Variants in SORCS3 observed in about 807,000 individuals in gnomAD.
SORCS3 encodes sortilin related VPS10 domain containing receptor 3.
A neutral mutation model predicts 146.3 loss-of-function variants in SORCS3; 57 were observed. The observed-to-expected ratio is 0.39, with a 90% CI of 0.31 to 0.49. The LOEUF (loss-of-function observed/expected upper bound fraction) is 0.49. Ranked by LOEUF, SORCS3 falls within the 20% of genes least tolerant of loss-of-function variation. The pLI, the probability that SORCS3 is intolerant of heterozygous loss-of-function variation, is 0.92. For synonymous variants in SORCS3, 653 were observed against 618.5 expected, an observed-to-expected ratio of 1.06 and a Z score of -0.83; for missense variants, 1,341 against 1,575.5, an observed-to-expected ratio of 0.85 and a Z score of 2.52.
At chr10:105,222,611 A>C (rs964121322) in intron 19 of SORCS3, among the ~76,000 whole-genome samples, 4 of 152,180 alleles carry the variant, frequency 2.6e-5, no homozygotes, top group African/African-American at 9.7e-5. Flanking sequence ...CCTGTTTGGA[A>C]AACAGCCTTG....
At chr10:104,829,279 T>C (rs2133535484) in intron 1 of SORCS3, among the ~76,000 whole-genome samples, 1 of 152,206 alleles carries the variant, frequency 6.6e-6, no homozygotes, top group Non-Finnish European at 1.5e-5. Flanking sequence ...GTAGCAAAAT[T>C]GGAGGTATGT....
intron 5 of SORCS3, among the ~76,000 whole-genome samples, chr10:105,063,039 C>G (rs375388116): frequency 6.6e-6 from 1 of 152,202 alleles, no homozygotes. Context: ...TGTCATTAAT[C>G]GCTAATTGCT....
At chr10:104,666,969 T>G (rs982631374) in intron 1 of SORCS3, among the ~76,000 whole-genome samples, 8 of 151,954 alleles carry the variant, frequency 5.3e-5, no homozygotes, top group African/African-American at 1.9e-4. Context: ...AGATGTAAAC[T>G]GTGTTCTCAT....
chr10:104,853,638 T>C (rs1233464200), intron 2 of SORCS3, among the ~76,000 whole-genome samples: 4 of 152,054 alleles, frequency 2.6e-5, no homozygotes, highest in Admixed American at 6.5e-5. Context: ...GGTCAAGGAG[T>C]CGAAACTTTA....
intron 3 of SORCS3, among the ~76,000 whole-genome samples, chr10:104,947,398 G>T (rs905762107): frequency 3.9e-5 from 6 of 152,128 alleles, no homozygotes; most frequent in Non-Finnish European, 5.9e-5. Context: ...GGAGGCTTAG[G>T]AAATGTTGGG....
intron 20 of SORCS3, among the ~76,000 whole-genome samples, chr10:105,229,882 G>T (rs2056757049): frequency 6.6e-6 from 1 of 152,166 alleles, no homozygotes; most frequent in Non-Finnish European, 1.5e-5. Flanking sequence ...GTGGGTGAGT[G>T]GGTTCTGTGC....
chr10:104,648,785 G>A (rs1051536852), intron 1 of SORCS3, among the ~76,000 whole-genome samples: 1 of 152,156 alleles, frequency 6.6e-6, no homozygotes. Flanking sequence ...ACTAATAAAT[G>A]TTCTATAGTA....
chr10:105,005,582 A>G (rs2133676557), intron 4 of SORCS3, among the ~76,000 whole-genome samples: 1 of 152,208 alleles, frequency 6.6e-6, no homozygotes, highest in South Asian at 2.1e-4. Context: ...ACAAGATGGA[A>G]CACCGTTCTC....
At chr10:104,643,710 G>A in intron 1 of SORCS3, among the ~76,000 whole-genome samples, 1 of 47,028 alleles carries the variant, frequency 2.1e-5, no homozygotes, top group Non-Finnish European at 4.3e-5. Flanking sequence ...GATAATTAGG[G>A]TGTGTGTGTG....
intron 20 of SORCS3, among the ~76,000 whole-genome samples, chr10:105,235,882 T>C (rs1303513673): frequency 6.6e-6 from 1 of 152,150 alleles, no homozygotes; most frequent in Non-Finnish European, 1.5e-5. Context: ...CTCAACTTTA[T>C]TGTTGTGAAA....
At chr10:105,007,901 T>C (rs1166871664) in intron 4 of SORCS3, among the ~76,000 whole-genome samples, 3 of 152,128 alleles carry the variant, frequency 2.0e-5, no homozygotes, top group African/African-American at 7.2e-5. Context: ...TGGGGACCTC[T>C]TTCCTGGGAA....
intron 5 of SORCS3, among the ~76,000 whole-genome samples, chr10:105,058,020 T>C (rs1299951040): frequency 6.6e-6 from 1 of 152,202 alleles, no homozygotes; most frequent in Non-Finnish European, 1.5e-5. Flanking sequence ...ATCTCCCCGC[T>C]GGACAGCCAT....
chr10:104,810,799 A>G (rs1249926842), intron 1 of SORCS3, among the ~76,000 whole-genome samples: 1 of 152,198 alleles, frequency 6.6e-6, no homozygotes, highest in Non-Finnish European at 1.5e-5. Context: ...CTGGGTGGCT[A>G]TTGTGGAAAC....
At position 104,657,724 on chromosome 10, in the gene SORCS3, C is replaced by T. The variant is rs114935127; in HGVS notation, c.627+15770C>T. Among the ~76,000 whole-genome samples, 597 of 152,284 alleles carry T rather than the reference C, an allele frequency of 3.9e-3. 5 individuals carry two copies. Among genetic ancestry groups the T allele is most frequent in the African/African-American group, 0.013 (560 of 41,548 alleles). Reference sequence around the variant, plus strand: ...CTCAATAGGGGCCTTCAGACTCTAACATTTAGTGTATTCTTGTTGGAGTTG... The same window carrying T: ...CTCAATAGGGGCCTTCAGACTCTAATATTTAGTGTATTCTTGTTGGAGTTG... On this transcript the variant is annotated intron_variant, in intron 1 of 26. Coordinates refer to ENST00000369701, the MANE Select transcript of SORCS3 (RefSeq NM_014978.3).
At chr10:104,765,433 A>G (rs1264637461) in intron 1 of SORCS3, among the ~76,000 whole-genome samples, 1 of 152,166 alleles carries the variant, frequency 6.6e-6, no homozygotes, top group Non-Finnish European at 1.5e-5. Context: ...CTGTCTCCTT[A>G]TCTGTAAAAT....
intron 4 of SORCS3, among the ~76,000 whole-genome samples, chr10:104,983,246 C>T (rs1589578732): frequency 1.3e-5 from 2 of 151,696 alleles, no homozygotes; most frequent in African/African-American, 4.8e-5. Flanking sequence ...GGTGATCTGC[C>T]CTCCTCGGCC....
chr10:104,979,595 G>A (rs1036040836), intron 4 of SORCS3, among the ~76,000 whole-genome samples: 3 of 152,024 alleles, frequency 2.0e-5, no homozygotes, highest in Admixed American at 2.0e-4. Flanking sequence ...ATGCGATCAT[G>A]TGATGTCAGC....
At chr10:105,164,517 A>G in intron 12 of SORCS3, 138 bp downstream of exon 12, 1 of 705,802 alleles carries the variant, frequency 1.4e-6, no homozygotes, top group South Asian at 1.7e-5. Flanking sequence ...AGTTTGGTCA[A>G]TTTGGCTGGC....
At chr10:104,962,785 A>C (rs558611050) in intron 3 of SORCS3, among the ~76,000 whole-genome samples, 1 of 152,222 alleles carries the variant, frequency 6.6e-6, no homozygotes, top group Non-Finnish European at 1.5e-5. Flanking sequence ...GGAAAATAGA[A>C]AAGTATAGAG....
Sources: gnomAD v4.1 joint callset for allele counts (sites outside exome capture counted in the v4.1 genomes callset) on GRCh38, gnomAD v4.1.1 for gene constraint, MANE v1.5 for transcripts, NCBI Gene and HGNC (gene_info 2026-07-23, HGNC 2026-07-21) for gene names.